The following STMP1 variants were observed in gnomAD, a reference collection of about 807,000 sequenced individuals.
The protein encoded by STMP1 is mitolamban.
STMP1 carries 7 observed loss-of-function variants against 7.0 expected under a neutral mutation model. The observed-to-expected ratio is 1.01, with a 90% CI of 0.57 to 1.89. The LOEUF is 1.89. STMP1 is among the 40% of genes most tolerant of loss of function. The pLI is 0.00. For synonymous variants in STMP1, 19 were observed against 18.4 expected (o/e 1.03, Z -0.08); for missense variants, 45 against 53.0 (o/e 0.85, Z 0.47).
Position 135,662,543 on chromosome 7 carries a change from A to C in STMP1, c.-37A>C, listed in dbSNP as rs763309230. 6.5e-7 allele frequency: 1 copy of C among 1,543,066 alleles called. No individual in the cohort carries two copies. The highest frequency in any genetic ancestry group is 1.4e-5 in the African/African-American group (1 of 71,822). Reference sequence around the variant, plus strand: ...TCGGACCGGCCCGCGGAGCTGCTGCAGTCCTTCGCGCCCTCCTCGCCCTCC... The same window carrying C: ...TCGGACCGGCCCGCGGAGCTGCTGCCGTCCTTCGCGCCCTCCTCGCCCTCC... On this transcript the variant is annotated 5_prime_UTR_variant, in exon 1 of 3. Coordinates refer to ENST00000507606, the MANE Select transcript of STMP1 (RefSeq NM_001130929.2).
intron 1 of STMP1, among the ~76,000 whole-genome samples, chr7:135,669,089 A>G (rs2129493278): frequency 6.6e-6 from 1 of 152,352 alleles, no homozygotes; most frequent in Admixed American, 6.5e-5. Context: ...ACTCCTCTTT[A>G]TAAAACCATC....
At position 135,674,707 on chromosome 7, in the gene STMP1, G is replaced by A. The variant is rs572590413; in HGVS notation, c.*542G>A. ...CTGTAGTTGCTAATTTAACCAATAA[G>A]TCAATTTGCTATTCATGAAGAAACG... On this transcript the variant is annotated 3_prime_UTR_variant, in exon 3 of 3. Coordinates refer to ENST00000507606, the MANE Select transcript of STMP1 (RefSeq NM_001130929.2). 6.6e-6 allele frequency: 1 copy of A among 152,320 alleles called. No individual in the cohort carries two copies. The highest frequency in any genetic ancestry group is 2.4e-5 in the African/African-American group (1 of 41,562). 9.4% of individuals were successfully genotyped at this position (152,320 alleles called of 1,614,324 possible).
At chr7:135,665,256 C>A (rs1428779685) in intron 1 of STMP1, among the ~76,000 whole-genome samples, 1 of 152,170 alleles carries the variant, frequency 6.6e-6, no homozygotes, top group Admixed American at 6.5e-5. Flanking sequence ...CATTTTGGAA[C>A]CGTCTAAGAT....
chr7:135,672,776 G>A lies in STMP1; in HGVS notation c.39G>A (p.Val13=), dbSNP rs1795370517. The part of the protein sequence containing the change: ...QFLLGFTLGN[V]VGMYLAQNYD... ...AGCTTGGATTTACACTGGGCAACGT[G>A]GTTGGAATGTATCTGGCTCAGAACT... The change falls in exon 2 of 3, where the codon GTG becomes GTA. Residue 13 remains valine (V), a synonymous_variant. Transcript: ENST00000507606. 1 of 1,551,408 alleles carries A rather than the reference G, an allele frequency of 6.4e-7. No individual in the cohort carries two copies. Among genetic ancestry groups the A allele is most frequent in the Non-Finnish European group, 8.7e-7 (1 of 1,146,922 alleles).
chr7:135,666,718 A>T (rs1244095087), intron 1 of STMP1, among the ~76,000 whole-genome samples: 1 of 152,194 alleles, frequency 6.6e-6, no homozygotes, highest in Non-Finnish European at 1.5e-5. Context: ...CTGAATAATT[A>T]TCTTGCACCT....
At chr7:135,673,940 A>G (rs983931354) in intron 2 of STMP1, 151 bp from the exon 3 acceptor site, 1 of 627,884 alleles carries the variant, frequency 1.6e-6, no homozygotes. Context: ...CCTATCTTAA[A>G]AAAGAAAGCA....
chr7:135,668,983 A>G (rs747831722), intron 1 of STMP1, among the ~76,000 whole-genome samples: 8 of 152,248 alleles, frequency 5.3e-5, no homozygotes, highest in Non-Finnish European at 8.8e-5. Context: ...ACAGTTCCAC[A>G]TGGCTGGGGA....
intron 1 of STMP1, among the ~76,000 whole-genome samples, chr7:135,666,078 A>G (rs1393931448): frequency 6.6e-6 from 1 of 151,740 alleles, no homozygotes; most frequent in Non-Finnish European, 1.5e-5. Context: ...GATTACAGGC[A>G]TATGCCACCA....
chr7:135,671,542 A>G (rs1476233608), intron 1 of STMP1, among the ~76,000 whole-genome samples: 1 of 152,244 alleles, frequency 6.6e-6, no homozygotes, highest in Non-Finnish European at 1.5e-5. Flanking sequence ...GAAAACAGGG[A>G]ATTATTATCA....
At position 135,675,869 on chromosome 7, in the gene STMP1, T is replaced by C. The variant is rs1270395265; in HGVS notation, c.*1704T>C. 1 of 152,042 alleles carries C rather than the reference T, an allele frequency of 6.6e-6. No individual in the cohort carries two copies. Among genetic ancestry groups the C allele is most frequent in the African/African-American group, 2.4e-5 (1 of 41,396 alleles). 9.4% of individuals were successfully genotyped at this position (152,042 alleles called of 1,614,324 possible). On this transcript the variant is annotated 3_prime_UTR_variant, in exon 3 of 3. Transcript: ENST00000507606. ...AATGTTGTCTTTGTGTGTGACAGAT[T>C]AGGATTAAATTATGGTTTGACTTTT...
chr7:135,673,544 C>T (rs1243522725), intron 2 of STMP1, among the ~76,000 whole-genome samples: 2 of 152,138 alleles, frequency 1.3e-5, no homozygotes, highest in Non-Finnish European at 2.9e-5. Flanking sequence ...GGCACCAGAT[C>T]GAGCGGAAGT....
intron 1 of STMP1, among the ~76,000 whole-genome samples, chr7:135,664,529 T>A (rs977270511): frequency 1.3e-5 from 2 of 150,636 alleles, no homozygotes; most frequent in Non-Finnish European, 3.0e-5. Flanking sequence ...AATTTTAAAA[T>A]TTTTTTTTTG....
chr7:135,670,949 C>A (rs1293012764), intron 1 of STMP1, among the ~76,000 whole-genome samples: 1 of 152,108 alleles, frequency 6.6e-6, no homozygotes, highest in African/African-American at 2.4e-5. Flanking sequence ...AACCAGAACT[C>A]GATTATTTTT....
rs114434586 is a variant in STMP1 at position 135,672,939 on chromosome 7, A to G, written c.69+133A>G. On this transcript the variant is annotated intron_variant, in intron 2 of 2. Transcript: ENST00000507606. Reference sequence around the variant, plus strand: ...CTGAGGCAAAACTCCTGAATATTGTAGAATGGTTTGCCATTGTTTGAAAAA... The same window carrying G: ...CTGAGGCAAAACTCCTGAATATTGTGGAATGGTTTGCCATTGTTTGAAAAA... 2.8e-3 allele frequency: 1,985 copies of G among 720,482 alleles called. 32 individuals carry two copies. In the African/African-American group the frequency reaches 0.03, roughly 11 times the overall value. 44.6% of individuals were successfully genotyped at this position (720,482 alleles called of 1,614,324 possible).
At chr7:135,673,681 G>A (rs1356693263) in intron 2 of STMP1, among the ~76,000 whole-genome samples, 5 of 152,198 alleles carry the variant, frequency 3.3e-5, no homozygotes, top group African/African-American at 1.2e-4. Context: ...GCTCACGCCT[G>A]TAATCCTAGC....
chr7:135,674,269 A>C lies in STMP1; in HGVS notation c.*104A>C. The C allele has an allele frequency of 1.1e-6, 1 of 913,198 alleles. No individual in the cohort carries two copies. The highest frequency in any genetic ancestry group is 1.6e-6 in the Non-Finnish European group (1 of 608,154). The allele number at this position is 913,198 out of a possible 1,614,324, so 56.6% of individuals were successfully genotyped here. A position where few individuals can be genotyped will look rare whatever the true frequency, so the allele number is the denominator to read the frequency against. ...TTTTGTTTTCGTCTCCAGCCTCAGC[A>C]CTTCTCTTCTTTGCTAGACCCTGTG... On this transcript the variant is annotated 3_prime_UTR_variant, in exon 3 of 3. Transcript: ENST00000507606.
Position 135,675,209 on chromosome 7 carries a change from A to G in STMP1, c.*1044A>G, listed in dbSNP as rs1795398617. The G allele has an allele frequency of 6.6e-6, 1 of 152,196 alleles. No individual in the cohort carries two copies. Among genetic ancestry groups the G allele is most frequent in the Non-Finnish European group, 1.5e-5 (1 of 68,040 alleles). 9.4% of individuals were successfully genotyped at this position (152,196 alleles called of 1,614,324 possible). A position where few individuals can be genotyped will look rare whatever the true frequency, so the allele number is the denominator to read the frequency against. On this transcript the variant is annotated 3_prime_UTR_variant, in exon 3 of 3. Coordinates refer to ENST00000507606, the MANE Select transcript of STMP1 (RefSeq NM_001130929.2). Reference sequence around the variant, plus strand: ...ACAAGATACAAAAGTAATTTCATATAAAGGGCCTCTCCCACCCCTGTTCTC... The same window carrying G: ...ACAAGATACAAAAGTAATTTCATATGAAGGGCCTCTCCCACCCCTGTTCTC...
At chr7:135,663,093 C>T (rs557292238) in intron 1 of STMP1, among the ~76,000 whole-genome samples, 2 of 152,280 alleles carry the variant, frequency 1.3e-5, no homozygotes, top group South Asian at 4.1e-4. Flanking sequence ...CCTCATCAGA[C>T]CTTTCAGAGT....
In STMP1 at chr7:135,662,551, G is replaced by C; in HGVS notation, c.-29G>C. The C allele has an allele frequency of 6.5e-7, 1 of 1,545,628 alleles. No homozygotes were observed. Among genetic ancestry groups the C allele is most frequent in the Non-Finnish European group, 8.7e-7 (1 of 1,144,832 alleles). ...GCCCGCGGAGCTGCTGCAGTCCTTCGCGCCCTCCTCGCCCTCCCCACCGAC... is the reference window on the plus strand; with the variant it reads ...GCCCGCGGAGCTGCTGCAGTCCTTCCCGCCCTCCTCGCCCTCCCCACCGAC... On this transcript the variant is annotated 5_prime_UTR_variant, in exon 1 of 3. Transcript: ENST00000507606.
Sources: allele counts gnomAD v4.1 joint callset (sites outside exome capture counted in the v4.1 genomes callset), GRCh38; gene constraint gnomAD v4.1.1; transcripts MANE v1.5; gene names NCBI Gene and HGNC (gene_info 2026-07-23, HGNC 2026-07-21).